The following HIP1 variants were observed in gnomAD, a reference collection of about 807,000 sequenced individuals.
HIP1 encodes the protein huntingtin-interacting protein 1.
Under a neutral mutation model 147.6 loss-of-function variants are expected in HIP1, and 65 were observed. The ratio of observed to expected loss-of-function variants is 0.44; its 90% CI spans 0.36 to 0.54. The LOEUF is 0.54. HIP1 is among the 20% of genes least tolerant of loss of function. HIP1 has a pLI of 0.00. For synonymous variants in HIP1, 479 were observed against 504.0 expected (o/e 0.95, Z 0.67); for missense variants, 1,061 against 1,299.6 (o/e 0.82, Z 2.82).
At chr7:75,653,871 T>G (rs1554512286) in intron 1 of HIP1, among the ~76,000 whole-genome samples, 2 of 152,070 alleles carry the variant, frequency 1.3e-5, no homozygotes, top group South Asian at 2.1e-4. Flanking sequence ...GAGCAGACAC[T>G]CAGTTAGTAC....
Position 75,539,448 on chromosome 7 carries a change from G to A in HIP1, c.2953-17C>T, listed in dbSNP as rs1794218058. ...CACCCTAACCTGTAAGGGAAATTAAGTGGGATTTTCTCTTAATCATCTCTC... is the reference window on the plus strand; with the variant it reads ...CACCCTAACCTGTAAGGGAAATTAAATGGGATTTTCTCTTAATCATCTCTC... On this transcript the variant is annotated splice_polypyrimidine_tract_variant and intron_variant, in intron 29 of 30. Coordinates refer to ENST00000336926, the MANE Select transcript of HIP1 (RefSeq NM_005338.7). 3 of 1,582,378 alleles carry A rather than the reference G, an allele frequency of 1.9e-6. No homozygotes were observed. The highest frequency in any genetic ancestry group is 2.6e-6 in the Non-Finnish European group (3 of 1,151,598).
At chr7:75,588,467 G>T (rs1322677070) in intron 4 of HIP1, among the ~76,000 whole-genome samples, 6 of 152,160 alleles carry the variant, frequency 3.9e-5, no homozygotes, top group African/African-American at 1.4e-4. Flanking sequence ...AATATATGCA[G>T]GGCATAATAA....
At chr7:75,674,793 C>G (rs1480196024) in intron 1 of HIP1, among the ~76,000 whole-genome samples, 3 of 143,038 alleles carry the variant, frequency 2.1e-5, no homozygotes, top group African/African-American at 7.6e-5. Flanking sequence ...GCCAGGCCGG[C>G]TTTTTTTTTT....
chr7:75,551,018 T>C lies in HIP1; in HGVS notation c.2296-2017A>G, dbSNP rs6969245. On this transcript the variant is annotated intron_variant, in intron 22 of 30. Transcript: ENST00000336926. ...GATGAATTAAGCGATATTCACACAA[T>C]AGATAATGAGAGAGCAGTGAAAATG... Among the ~76,000 whole-genome samples the C allele has an allele frequency of 5.9e-4, 90 of 152,150 alleles. 1 individual carries two copies. The highest frequency in any genetic ancestry group is 2.1e-3 in the African/African-American group (86 of 41,520).
intron 1 of HIP1, chr7:75,611,876 C>A: frequency 3.3e-5 from 34 of 1,018,030 alleles, no homozygotes; most frequent in Non-Finnish European, 4.0e-5. Context: ...GCCTTTCTCC[C>A]AGCCTCTCTT....
At chr7:75,571,355 C>T (rs977839620) in intron 8 of HIP1, among the ~76,000 whole-genome samples, 2 of 152,066 alleles carry the variant, frequency 1.3e-5, no homozygotes, top group Non-Finnish European at 2.9e-5. Context: ...GCAGCTGGTC[C>T]CTTCTCTTGG....
chr7:75,727,374 G>A (rs1164409475), intron 1 of HIP1, among the ~76,000 whole-genome samples: 2 of 151,482 alleles, frequency 1.3e-5, no homozygotes, highest in African/African-American at 4.8e-5. Context: ...AGGATTACAG[G>A]CATGGGCCAC....
chr7:75,557,318 C>T (rs1487407665), intron 16 of HIP1, among the ~76,000 whole-genome samples: 6 of 151,694 alleles, frequency 4.0e-5, no homozygotes, highest in Middle Eastern at 3.2e-3. Context: ...GGATTACTGC[C>T]GTCTCAAAAA....
At chr7:75,567,366 A>C (rs587745388) in intron 9 of HIP1, among the ~76,000 whole-genome samples, 1 of 151,510 alleles carries the variant, frequency 6.6e-6, no homozygotes, top group East Asian at 1.9e-4. Flanking sequence ...AGTCTGGGGC[A>C]TAAGCAGGCA....
intron 1 of HIP1, among the ~76,000 whole-genome samples, chr7:75,672,630 T>G (rs939220270): frequency 1.7e-4 from 26 of 152,240 alleles, no homozygotes; most frequent in African/African-American, 5.5e-4. Flanking sequence ...ACTTGGTCCT[T>G]CTTACATTCT....
intron 5 of HIP1, among the ~76,000 whole-genome samples, chr7:75,582,845 C>T (rs1382648677): frequency 1.3e-5 from 2 of 152,110 alleles, no homozygotes; most frequent in Admixed American, 6.6e-5. Context: ...CCATTGCAGA[C>T]TTTGCTCCTG....
intron 1 of HIP1, among the ~76,000 whole-genome samples, chr7:75,723,006 A>T (rs891953869): frequency 6.6e-5 from 10 of 152,174 alleles, no homozygotes; most frequent in Non-Finnish European, 1.5e-4. Flanking sequence ...GCAGCGAGAC[A>T]TGGGACCCAT....
intron 1 of HIP1, among the ~76,000 whole-genome samples, chr7:75,694,580 A>G (rs1290956591): frequency 6.9e-6 from 1 of 145,904 alleles, no homozygotes; most frequent in African/African-American, 2.5e-5. Flanking sequence ...GTGTGATCAC[A>G]GCACACTGCA....
At chr7:75,684,049 C>T (rs1227542887) in intron 1 of HIP1, among the ~76,000 whole-genome samples, 3 of 151,630 alleles carry the variant, frequency 2.0e-5, no homozygotes, top group Non-Finnish European at 4.4e-5. Context: ...GAGGCTGAGG[C>T]GGGAGGATTG....
At chr7:75,728,293 G>T (rs782581637) in intron 1 of HIP1, among the ~76,000 whole-genome samples, 11 of 152,260 alleles carry the variant, frequency 7.2e-5, no homozygotes, top group Non-Finnish European at 1.3e-4. Flanking sequence ...CTTAAATCAC[G>T]GTCCCTCTCC....
chr7:75,648,976 T>G (rs144017352), intron 1 of HIP1, among the ~76,000 whole-genome samples: 1 of 151,990 alleles, frequency 6.6e-6, no homozygotes, highest in East Asian at 1.9e-4. Flanking sequence ...TGACTGGCTA[T>G]TTTTTATTTT....
intron 1 of HIP1, among the ~76,000 whole-genome samples, chr7:75,640,467 C>CGCCTGTAATCCCAGCACTTTAG (rs1455525843): frequency 2.0e-5 from 3 of 152,312 alleles, no homozygotes; most frequent in East Asian, 1.9e-4. Context: ...GGCGGGCTCA[C>CGCCTGTAATCCCAGCACTTTAG]GCCTGTAATC....
chr7:75,585,212 T>G, intron 5 of HIP1, among the ~76,000 whole-genome samples: 1 of 148,668 alleles, frequency 6.7e-6, no homozygotes, highest in African/African-American at 2.5e-5. Context: ...TGAGATTGAG[T>G]CTTGCTCTGT....
rs587720578 is a variant in HIP1, at chr7:75,611,866, G to A, written c.121-12619C>T. The A allele has an allele frequency of 1.1e-5, 11 of 1,019,890 alleles. No individual in the cohort carries two copies. The Admixed American group carries it at 1.8e-4, about 16-fold the overall frequency. 63.2% of individuals were successfully genotyped at this position (1,019,890 alleles called of 1,614,324 possible). ...TACCAGCAGGCACCGCAGGAAGGGCGCCTTTCTCCCAGCCTCTCTTCCTCC... is the reference window on the plus strand; with the variant it reads ...TACCAGCAGGCACCGCAGGAAGGGCACCTTTCTCCCAGCCTCTCTTCCTCC... On this transcript the variant is annotated intron_variant, in intron 1 of 30. Transcript: ENST00000336926.
Sources: gnomAD v4.1 joint callset for allele counts (sites outside exome capture counted in the v4.1 genomes callset) on GRCh38, gnomAD v4.1.1 for gene constraint, MANE v1.5 for transcripts, NCBI Gene and HGNC (gene_info 2026-07-23, HGNC 2026-07-21) for gene names.